The following TMEM94 variants were observed in gnomAD, a reference collection of about 807,000 sequenced individuals.
The protein encoded by TMEM94 is transmembrane protein 94, also known as ER Mg2+ ATPase.
Under a neutral mutation model 158.6 loss-of-function variants are expected in TMEM94, and 81 were observed. That is an observed-to-expected ratio of 0.51 (90% CI 0.43 to 0.61). The LOEUF is 0.61. Among genes scored for constraint, TMEM94 ranks in the 20% least tolerant of loss-of-function variants. TMEM94 has a pLI of 0.00. For missense variants in TMEM94, 1,435 were observed against 1,762.0 expected (o/e 0.81, Z 3.32); for synonymous variants, 751 against 730.7 (o/e 1.03, Z -0.45).
intron 2 of TMEM94, among the ~76,000 whole-genome samples, chr17:75,475,987 C>G (rs890756234): frequency 6.6e-6 from 1 of 152,236 alleles, no homozygotes; most frequent in Non-Finnish European, 1.5e-5. Flanking sequence ...TCCCGTCCCC[C>G]TCCACACAGG....
At chr17:75,463,253 A>G (rs1001007324) in intron 1 of TMEM94, among the ~76,000 whole-genome samples, 14 of 148,254 alleles carry the variant, frequency 9.4e-5, no homozygotes, top group Non-Finnish European at 4.4e-5. Flanking sequence ...TCTACTTCTT[A>G]TAGCATCCTA....
chr17:75,498,757 C>T lies in TMEM94; in HGVS notation c.3827+35C>T. 6.5e-7 allele frequency: 1 copy of T among 1,537,370 alleles called. No homozygotes were observed. The highest frequency in any genetic ancestry group is 1.3e-5 in the South Asian group (1 of 78,616). ...GCTAGGATGGAGGGCGGAGTGTGGGCTGGGGAGGAGAGGGCCTTCTGCAGG... is the reference window on the plus strand; with the variant it reads ...GCTAGGATGGAGGGCGGAGTGTGGGTTGGGGAGGAGAGGGCCTTCTGCAGG... On this transcript the variant is annotated intron_variant, in intron 30 of 31. Transcript: ENST00000314256. This position sits in a 1 kb window ranked among gnomAD's most constrained non-coding sequence, Gnocchi z 6.7.
intron 2 of TMEM94, among the ~76,000 whole-genome samples, chr17:75,484,816 C>T (rs1046905239): frequency 3.9e-5 from 6 of 152,062 alleles, no homozygotes; most frequent in Non-Finnish European, 8.8e-5. Context: ...GCGGGCAGAT[C>T]ACTTGAGGTC....
In TMEM94 at chr17:75,495,185, G is replaced by A. The variant is rs535614511; in HGVS notation, c.2729-99G>A. Reference sequence around the variant, plus strand: ...ATGTCCCTGCGGGAAACAGTAGTCAGCAGGAAGGAGTGGACACAGGCAAAA... The same window carrying A: ...ATGTCCCTGCGGGAAACAGTAGTCAACAGGAAGGAGTGGACACAGGCAAAA... On this transcript the variant is annotated intron_variant, in intron 20 of 31. Transcript: ENST00000314256. This position sits in a 1 kb window ranked among gnomAD's most constrained non-coding sequence, Gnocchi z 5.6. 1.3e-4 allele frequency: 183 copies of A among 1,403,662 alleles called. 1 individual carries two copies. The African/African-American group carries it at 2.5e-3, about 19-fold the overall frequency. The allele number at this position is 1,403,662 out of a possible 1,614,324, so 87.0% of individuals were successfully genotyped here.
At position 75,491,372 on chromosome 17, in the gene TMEM94, T is replaced by C. The variant is rs1039694321; in HGVS notation, c.1303T>C (p.Phe435Leu). Reference protein sequence around the residue: ...PNPSPETVLFFSGKVEPPHSS... With the variant: ...PNPSPETVLFLSGKVEPPHSS... Reference sequence around the variant, plus strand: ...TCCCAGCCCAGAGACTGTACTGTTCTTCAGCGGGAAGGTGGAGCCCCCTCA... The same window carrying C: ...TCCCAGCCCAGAGACTGTACTGTTCCTCAGCGGGAAGGTGGAGCCCCCTCA... The change falls in exon 13 of 32, where the codon TTC becomes CTC. Residue 435 changes from phenylalanine (F) to leucine (L), a missense_variant. This residue lies in a region of TMEM94 where 1,051 missense variants were observed against 1,254.4 expected (regional missense o/e 0.84). Coordinates refer to ENST00000314256, the MANE Select transcript of TMEM94 (RefSeq NM_014738.6). This position sits in a 1 kb window ranked among gnomAD's most constrained non-coding sequence, Gnocchi z 5.1. The C allele has an allele frequency of 2.5e-6, 4 of 1,614,126 alleles. No individual in the cohort carries two copies. Among genetic ancestry groups the C allele is most frequent in the Non-Finnish European group, 3.4e-6 (4 of 1,180,036 alleles).
At chr17:75,496,686 G>T in intron 24 of TMEM94, 44 bp from the exon 25 acceptor site, 1 of 1,585,088 alleles carries the variant, frequency 6.3e-7, no homozygotes, top group Non-Finnish European at 8.7e-7. Flanking sequence ...GCCTGGGAGA[G>T]GCCAGGTAGA....
At chr17:75,465,853 G>C (rs2050293946) in intron 1 of TMEM94, among the ~76,000 whole-genome samples, 1 of 151,340 alleles carries the variant, frequency 6.6e-6, no homozygotes, top group Non-Finnish European at 1.5e-5. Context: ...TTTTTTTATG[G>C]CATATTTTGA....
At chr17:75,472,384 C>G (rs111558422) in intron 2 of TMEM94, among the ~76,000 whole-genome samples, 1 of 152,338 alleles carries the variant, frequency 6.6e-6, no homozygotes, top group African/African-American at 2.4e-5. Context: ...CTGGGCCAGC[C>G]ATAAGATTGG....
rs949239718 is a variant in TMEM94, at chr17:75,495,478, G to A, written c.2845-66G>A. ...CAGGGGAGAGGTAGAGAGGTGGTGG[G>A]CAGGCGGTGGAGGGGAGGGATGCTG... On this transcript the variant is annotated intron_variant, in intron 21 of 31. Coordinates refer to ENST00000314256, the MANE Select transcript of TMEM94 (RefSeq NM_014738.6). The surrounding 1 kb of genome is among the most constrained non-coding windows in gnomAD (Gnocchi z 5.6). 10 of 1,591,240 alleles carry A rather than the reference G, an allele frequency of 6.3e-6. No homozygotes were observed. The African/African-American group carries it at 9.4e-5, about 15-fold the overall frequency.
intron 2 of TMEM94, among the ~76,000 whole-genome samples, chr17:75,483,570 A>T (rs1437580227): frequency 2.7e-5 from 4 of 149,870 alleles, no homozygotes; most frequent in Admixed American, 1.3e-4. Flanking sequence ...AGTGATTCTC[A>T]TGCCTCAGCC....
chr17:75,470,914 G>T (rs1392390123), intron 1 of TMEM94, among the ~76,000 whole-genome samples: 11 of 96,616 alleles, frequency 1.1e-4, no homozygotes, highest in Admixed American at 1.1e-3. Flanking sequence ...GCGAGACTCT[G>T]TCTCAAAATA....
chr17:75,489,460 A>G lies in TMEM94; in HGVS notation c.867+92A>G. 2 of 1,480,310 alleles carry G rather than the reference A, an allele frequency of 1.4e-6. No individual in the cohort carries two copies. Among genetic ancestry groups the G allele is most frequent in the Non-Finnish European group, 1.9e-6 (2 of 1,059,692 alleles). The allele number at this position is 1,480,310 out of a possible 1,614,324, so 91.7% of individuals were successfully genotyped here. ...AGGGCCACTCACATGAGCGGGAGTG[A>G]ATGCAGAGGGTCCCAGAGTGAGCCA... On this transcript the variant is annotated intron_variant, in intron 8 of 31. Coordinates refer to ENST00000314256, the MANE Select transcript of TMEM94 (RefSeq NM_014738.6). This position sits in a 1 kb window ranked among gnomAD's most constrained non-coding sequence, Gnocchi z 5.0.
At chr17:75,475,986 C>A (rs1049480115) in intron 2 of TMEM94, among the ~76,000 whole-genome samples, 1 of 152,204 alleles carries the variant, frequency 6.6e-6, no homozygotes, top group African/African-American at 2.4e-5. Context: ...ATCCCGTCCC[C>A]CTCCACACAG....
intron 2 of TMEM94, chr17:75,476,801 G>A: frequency 2.0e-6 from 3 of 1,533,918 alleles, no homozygotes; most frequent in Non-Finnish European, 2.6e-6. Flanking sequence ...TCCCTGCTTT[G>A]TGTGGGAGTC....
intron 2 of TMEM94, among the ~76,000 whole-genome samples, chr17:75,476,151 A>G (rs911873184): frequency 6.6e-6 from 1 of 152,172 alleles, no homozygotes; most frequent in Non-Finnish European, 1.5e-5. Context: ...ACTTGGGGAC[A>G]AAGGACAGGT....
chr17:75,471,121 C>T (rs752788846), intron 1 of TMEM94, among the ~76,000 whole-genome samples: 1 of 150,754 alleles, frequency 6.6e-6, no homozygotes, highest in Admixed American at 6.6e-5. Context: ...CCTGTGATCC[C>T]AGCTACTTGG....
At position 75,498,846 on chromosome 17, in the gene TMEM94, G is replaced by C; in HGVS notation, c.3828-66G>C. 6.6e-7 allele frequency: 1 copy of C among 1,524,296 alleles called. No individual in the cohort carries two copies. The highest frequency in any genetic ancestry group is 8.8e-7 in the Non-Finnish European group (1 of 1,135,378). 94.4% of individuals were successfully genotyped at this position (1,524,296 alleles called of 1,614,324 possible). ...CTGTACCCTGCCTGAGCTAACTGTT[G>C]TACTGGGAAGAGCAGGGAAGGAAGC... is the stretch of plus-strand genomic sequence containing the variant. On this transcript the variant is annotated intron_variant, in intron 30 of 31. Transcript: ENST00000314256. This position sits in a 1 kb window ranked among gnomAD's most constrained non-coding sequence, Gnocchi z 6.7.
chr17:75,487,879 G>T lies in TMEM94; in HGVS notation c.410-53G>T, dbSNP rs904186719. The T allele has an allele frequency of 1.8e-5, 26 of 1,484,886 alleles. No individual in the cohort carries two copies. The highest frequency in any genetic ancestry group is 2.2e-5 in the Non-Finnish European group (24 of 1,068,158). 92.0% of individuals were successfully genotyped at this position (1,484,886 alleles called of 1,614,324 possible). On this transcript the variant is annotated intron_variant, in intron 5 of 31. Coordinates refer to ENST00000314256, the MANE Select transcript of TMEM94 (RefSeq NM_014738.6). The surrounding 1 kb of genome is among the most constrained non-coding windows in gnomAD (Gnocchi z 4.6). ...TCCGGAAGTGCTGCTGTATCTGACTGGGGGGCAGGGCCGTGGCTGAGAGGG... is the reference window on the plus strand; with the variant it reads ...TCCGGAAGTGCTGCTGTATCTGACTTGGGGGCAGGGCCGTGGCTGAGAGGG...
In TMEM94 at chr17:75,492,674, C is replaced by T. The variant is rs778804795; in HGVS notation, c.1797C>T (p.Thr599=). The stretch of plus-strand genomic sequence containing the variant: ...TGAACCTGTGTGATGCCAGCGTCAC[C>T]GAGCGCCTGTGCCGATTCTCCGACC... ...VLLNLCDASV[T]ERLCRFSDHL... Residue 599 remains threonine (T), a synonymous_variant, in exon 15 of 32, where the codon ACC becomes ACT. Coordinates refer to ENST00000314256, the MANE Select transcript of TMEM94 (RefSeq NM_014738.6). The surrounding 1 kb of genome is among the most constrained non-coding windows in gnomAD (Gnocchi z 4.4). 32 of 1,613,712 alleles carry T rather than the reference C, an allele frequency of 2.0e-5. No individual in the cohort carries two copies. In the Admixed American group the frequency reaches 2.0e-4, roughly 10 times the overall value.
Sources: allele counts gnomAD v4.1 joint callset (sites outside exome capture counted in the v4.1 genomes callset), GRCh38; gene constraint gnomAD v4.1.1; regional missense constraint gnomAD v4.1.1; non-coding constraint Gnocchi (gnomAD v3.1); transcripts MANE v1.5; gene names NCBI Gene and HGNC (gene_info 2026-07-23, HGNC 2026-07-21).